Variants in LIN7A observed in about 807,000 individuals in gnomAD.
LIN7A encodes the protein protein lin-7 homolog A.
In LIN7A, 25 loss-of-function variants were observed where a neutral mutation model predicts 29.8. The ratio of observed to expected loss-of-function variants is 0.84; its 90% CI spans 0.61 to 1.17. The LOEUF is 1.17. Among genes scored for constraint, LIN7A ranks in the 50% most tolerant of loss-of-function variants. The pLI is 0.00. For synonymous variants in LIN7A, 118 were observed against 107.5 expected, an observed-to-expected ratio of 1.10 and a Z score of -0.60; for missense variants, 239 against 287.0, an observed-to-expected ratio of 0.83 and a Z score of 1.21.
intron 1 of LIN7A, among the ~76,000 whole-genome samples, chr12:80,926,650 T>A (rs1482707156): frequency 6.6e-6 from 1 of 152,166 alleles, no homozygotes; most frequent in Admixed American, 6.5e-5. Context: ...GTTCACTCTC[T>A]CACCTCTAAA....
At chr12:80,865,167 T>C (rs968605603) in intron 2 of LIN7A, among the ~76,000 whole-genome samples, 1 of 152,208 alleles carries the variant, frequency 6.6e-6, no homozygotes, top group African/African-American at 2.4e-5. Flanking sequence ...CCTATCTAAA[T>C]GCATATTTTA....
intron 1 of LIN7A, among the ~76,000 whole-genome samples, chr12:80,920,545 A>C (rs890199811): frequency 1.3e-5 from 2 of 152,234 alleles, no homozygotes; most frequent in Non-Finnish European, 2.9e-5. Flanking sequence ...AATACAAAAA[A>C]GACAGAGCAA....
chr12:80,924,271 G>A (rs1479538160), intron 1 of LIN7A, among the ~76,000 whole-genome samples: 1 of 152,198 alleles, frequency 6.6e-6, no homozygotes, highest in African/African-American at 2.4e-5. Context: ...AATACAGTGT[G>A]GAGAGGGTAG....
At chr12:80,844,969 T>C (rs943732199) in intron 4 of LIN7A, among the ~76,000 whole-genome samples, 2 of 152,152 alleles carry the variant, frequency 1.3e-5, no homozygotes, top group Admixed American at 1.3e-4. Context: ...CCGGGCGCGA[T>C]GGTTCACGCC....
chr12:80,800,126 T>TA (rs894194018), intron 5 of LIN7A, among the ~76,000 whole-genome samples: 6 of 152,058 alleles, frequency 3.9e-5, no homozygotes, highest in African/African-American at 9.7e-5. Context: ...AAAAGCATAG[T>TA]AAAAAAATAC....
intron 2 of LIN7A, among the ~76,000 whole-genome samples, chr12:80,866,869 A>G (rs1180308961): frequency 6.6e-6 from 1 of 152,108 alleles, no homozygotes; most frequent in Non-Finnish European, 1.5e-5. Flanking sequence ...TCTCCTCACC[A>G]TCCTCCAAAG....
chr12:80,810,323 C>T (rs964028386), intron 5 of LIN7A, among the ~76,000 whole-genome samples: 2 of 151,972 alleles, frequency 1.3e-5, no homozygotes, highest in African/African-American at 2.4e-5. Flanking sequence ...ATGATGTTCT[C>T]TAGGCCCATC....
intron 5 of LIN7A, among the ~76,000 whole-genome samples, 163 bp from the exon 6 acceptor site, chr12:80,797,889 A>T (rs1870529661): frequency 6.6e-6 from 1 of 152,210 alleles, no homozygotes; most frequent in South Asian, 2.1e-4. Flanking sequence ...AATTCGTTTG[A>T]TGTTTGCAAA....
Position 80,795,952 on chromosome 12 carries a change from C to G in LIN7A, c.*1775G>C, listed in dbSNP as rs1414481168. On this transcript the variant is annotated 3_prime_UTR_variant, in exon 6 of 6. Coordinates refer to ENST00000552864, the MANE Select transcript of LIN7A (RefSeq NM_004664.4). ...ATGATATGTATTCAAGGATGGGAAT[C>G]TGTTATCACAGGGGTGTATTGTTGA... 1 of 152,216 alleles carries G rather than the reference C, an allele frequency of 6.6e-6. No homozygotes were observed. Among genetic ancestry groups the G allele is most frequent in the African/African-American group, 2.4e-5 (1 of 41,442 alleles). 9.4% of individuals were successfully genotyped at this position (152,216 alleles called of 1,614,324 possible).
intron 2 of LIN7A, among the ~76,000 whole-genome samples, chr12:80,860,785 A>G (rs999328051): frequency 6.6e-6 from 1 of 152,194 alleles, no homozygotes; most frequent in Non-Finnish European, 1.5e-5. Context: ...TTCTGACATG[A>G]CACTCTTTTC....
chr12:80,832,602 A>C (rs1872417225), intron 4 of LIN7A: 1 of 466,458 alleles, frequency 2.1e-6, no homozygotes, highest in East Asian at 6.6e-5. Context: ...GGCCACCTTC[A>C]AATGGGAAGT....
chr12:80,842,629 A>ATT (rs56822708), intron 4 of LIN7A, among the ~76,000 whole-genome samples: 9 of 151,130 alleles, frequency 6.0e-5, no homozygotes, highest in African/African-American at 1.9e-4. Context: ...TCCATTACAG[A>ATT]TTTTTTTTTC....
chr12:80,903,477 G>C (rs1876325568), intron 1 of LIN7A, among the ~76,000 whole-genome samples: 1 of 151,900 alleles, frequency 6.6e-6, no homozygotes, highest in African/African-American at 2.4e-5. Context: ...TTTCTTAGTT[G>C]TTTCACTTAA....
intron 4 of LIN7A, among the ~76,000 whole-genome samples, chr12:80,835,433 A>G (rs1444567105): frequency 6.6e-6 from 1 of 152,162 alleles, no homozygotes; most frequent in East Asian, 1.9e-4. Flanking sequence ...TAATCAACCC[A>G]CCAATGACAA....
chr12:80,919,405 A>T (rs1877185914), intron 1 of LIN7A, among the ~76,000 whole-genome samples: 1 of 152,210 alleles, frequency 6.6e-6, no homozygotes. Context: ...ACTATTCCAA[A>T]TAAGTGAGAA....
intron 4 of LIN7A, among the ~76,000 whole-genome samples, chr12:80,843,836 G>C (rs940560852): frequency 6.6e-5 from 10 of 151,972 alleles, no homozygotes; most frequent in African/African-American, 2.4e-4. Flanking sequence ...CCGCCTCCCA[G>C]GTATATCAAA....
intron 4 of LIN7A, among the ~76,000 whole-genome samples, chr12:80,830,688 C>T (rs929235756): frequency 2.0e-5 from 3 of 152,122 alleles, no homozygotes; most frequent in African/African-American, 7.2e-5. Flanking sequence ...ATTACTAACA[C>T]TGAACTCATT....
intron 5 of LIN7A, among the ~76,000 whole-genome samples, chr12:80,809,217 C>T (rs1033620461): frequency 2.0e-5 from 3 of 152,128 alleles, no homozygotes; most frequent in African/African-American, 7.2e-5. Flanking sequence ...CCACCCACCT[C>T]GGCTTCCCAA....
intron 1 of LIN7A, 55 bp downstream of exon 1, chr12:80,937,586 G>T: frequency 7.9e-7 from 1 of 1,272,082 alleles, no homozygotes; most frequent in Non-Finnish European, 1.1e-6. Context: ...GGCAGGCGGG[G>T]AAGGGAGGAG....
Sources: allele counts gnomAD v4.1 joint callset (sites outside exome capture counted in the v4.1 genomes callset), GRCh38; gene constraint gnomAD v4.1.1; transcripts MANE v1.5; gene names NCBI Gene and HGNC (gene_info 2026-07-23, HGNC 2026-07-21).